C11orf87: variants seen among roughly 807,000 people sequenced by gnomAD.
C11orf87 encodes the protein chromosome 11 open reading frame 87.
A neutral mutation model predicts 9.2 loss-of-function variants in C11orf87; 3 were observed. That is an observed-to-expected ratio of 0.33 (90% CI 0.15 to 0.84). The LOEUF (loss-of-function observed/expected upper bound fraction) is 0.84. Ranked by LOEUF, C11orf87 falls within the 40% of genes least tolerant of loss-of-function variation. The pLI is 0.55. For missense variants in C11orf87, 256 were observed against 270.7 expected (o/e 0.95, Z 0.38); for synonymous variants, 124 against 124.6 (o/e 1.00, Z 0.03).
intron 1 of C11orf87, among the ~76,000 whole-genome samples, chr11:109,422,499 T>C (rs1348907806): frequency 6.6e-6 from 1 of 152,128 alleles, no homozygotes; most frequent in Non-Finnish European, 1.5e-5. Context: ...GCGCTGCGGG[T>C]CTACCGGCTC....
chr11:109,425,755 T>A lies in C11orf87; in HGVS notation c.*1528T>A, dbSNP rs1360914942. 6.6e-6 allele frequency: 1 copy of A among 152,454 alleles called. No homozygotes were observed. Among genetic ancestry groups the A allele is most frequent in the Non-Finnish European group, 1.5e-5 (1 of 68,030 alleles). The allele number at this position is 152,454 out of a possible 1,614,324, so 9.4% of individuals were successfully genotyped here. ...CAGTTACCACCTGGAGGCAGTGGTG[T>A]GTGTGCTTGCTTGTACTGTATGTGG... On this transcript the variant is annotated 3_prime_UTR_variant, in exon 2 of 2. Transcript: ENST00000327419.
Position 109,424,301 on chromosome 11 carries a change from CTTTTCCA to C in C11orf87, c.*81_*87del. The C allele has an allele frequency of 8.0e-7, 1 of 1,257,846 alleles. No homozygotes were observed. The highest frequency in any genetic ancestry group is 1.1e-6 in the Non-Finnish European group (1 of 891,540). 77.9% of individuals were successfully genotyped at this position (1,257,846 alleles called of 1,614,324 possible). A position where few individuals can be genotyped will look rare whatever the true frequency, so the allele number is the denominator to read the frequency against. The stretch of plus-strand genomic sequence containing the variant: ...CCCTTGCTTTTTTCCTTCTTCCTTC[CTTTTCCA>C]TTTTCCTCTGGCCCCTCTTTCCTCT... On this transcript the variant is annotated 3_prime_UTR_variant, in exon 2 of 2. Coordinates refer to ENST00000327419, the MANE Select transcript of C11orf87 (RefSeq NM_207645.4). This position sits in a 1 kb window ranked among gnomAD's most constrained non-coding sequence, Gnocchi z 4.7.
chr11:109,427,297 T>G lies in C11orf87; in HGVS notation c.*3070T>G, dbSNP rs1860586746. 1 of 152,212 alleles carries G rather than the reference T, an allele frequency of 6.6e-6. No individual in the cohort carries two copies. The highest frequency in any genetic ancestry group is 1.5e-5 in the Non-Finnish European group (1 of 68,028). 9.4% of individuals were successfully genotyped at this position (152,212 alleles called of 1,614,324 possible). On this transcript the variant is annotated 3_prime_UTR_variant, in exon 2 of 2. Transcript: ENST00000327419. ...CTCTGTGTAAAGATGATGCAGTTTGTGAGTCAGATTTCATACTGAGCTTAA... is the reference window on the plus strand; with the variant it reads ...CTCTGTGTAAAGATGATGCAGTTTGGGAGTCAGATTTCATACTGAGCTTAA...
In C11orf87 at chr11:109,424,073, C is replaced by T. The variant is rs754310178; in HGVS notation, c.440C>T (p.Ser147Leu). The change falls in exon 2 of 2, where the codon TCG becomes TTG. Residue 147 changes from serine (S) to leucine (L), a missense_variant. Coordinates refer to ENST00000327419, the MANE Select transcript of C11orf87 (RefSeq NM_207645.4). The surrounding 1 kb of genome is among the most constrained non-coding windows in gnomAD (Gnocchi z 4.7). ...DSPFCAPSNA[S>L]SLSSSSPGLP... ...CCCTTCTGCGCCCCTTCCAACGCCT[C>T]GTCGTTGTCCTCTTCGTCCCCTGGC... 3.7e-6 allele frequency: 6 copies of T among 1,613,856 alleles called. No individual in the cohort carries two copies. The highest frequency in any genetic ancestry group is 1.6e-4 in the Middle Eastern group (1 of 6,084).
Position 109,424,296 on chromosome 11 carries a change from C to T in C11orf87, c.*69C>T. Reference sequence around the variant, plus strand: ...TGCCACCCTTGCTTTTTTCCTTCTTCCTTCCTTTTCCATTTTCCTCTGGCC... The same window carrying T: ...TGCCACCCTTGCTTTTTTCCTTCTTTCTTCCTTTTCCATTTTCCTCTGGCC... On this transcript the variant is annotated 3_prime_UTR_variant, in exon 2 of 2. Coordinates refer to ENST00000327419, the MANE Select transcript of C11orf87 (RefSeq NM_207645.4). This position sits in a 1 kb window ranked among gnomAD's most constrained non-coding sequence, Gnocchi z 4.7. 7.8e-7 allele frequency: 1 copy of T among 1,277,084 alleles called. No individual in the cohort carries two copies. The highest frequency in any genetic ancestry group is 1.1e-6 in the Non-Finnish European group (1 of 907,546). 79.1% of individuals were successfully genotyped at this position (1,277,084 alleles called of 1,614,324 possible).
rs1362935154 is a variant in C11orf87, at chr11:109,425,278, C to T, written c.*1051C>T. The T allele has an allele frequency of 6.0e-6, 1 of 165,312 alleles. No individual in the cohort carries two copies. Among genetic ancestry groups the T allele is most frequent in the Non-Finnish European group, 1.5e-5 (1 of 67,976 alleles). 10.2% of individuals were successfully genotyped at this position (165,312 alleles called of 1,614,324 possible). A position where few individuals can be genotyped will look rare whatever the true frequency, so the allele number is the denominator to read the frequency against. Reference sequence around the variant, plus strand: ...TATTATTAAACATTGCATAAGTTACCTTTTTTGTAAAAAAAAAAAAGTATT... The same window carrying T: ...TATTATTAAACATTGCATAAGTTACTTTTTTTGTAAAAAAAAAAAAGTATT... On this transcript the variant is annotated 3_prime_UTR_variant, in exon 2 of 2. Transcript: ENST00000327419.
rs1202272199 is a variant in C11orf87 at position 109,426,105 on chromosome 11, C to A, written c.*1878C>A. 1 of 152,200 alleles carries A rather than the reference C, an allele frequency of 6.6e-6. No homozygotes were observed. Among genetic ancestry groups the A allele is most frequent in the African/African-American group, 2.4e-5 (1 of 41,450 alleles). The allele number at this position is 152,200 out of a possible 1,614,324, so 9.4% of individuals were successfully genotyped here. On this transcript the variant is annotated 3_prime_UTR_variant, in exon 2 of 2. Transcript: ENST00000327419. ...CACCTTGTTTCCTTTGGTTGAATGA[C>A]AGAAGAAGCCAGAAGCATATTACAA...
chr11:109,422,774 A>G (rs1467884742), intron 1 of C11orf87, among the ~76,000 whole-genome samples: 2 of 140,534 alleles, frequency 1.4e-5, no homozygotes, highest in East Asian at 2.1e-4. Flanking sequence ...CCAGGGAAGA[A>G]GGCTGGAGAA....
In C11orf87 at chr11:109,428,794, C is replaced by T. The variant is rs927282753; in HGVS notation, c.*4567C>T. On this transcript the variant is annotated 3_prime_UTR_variant, in exon 2 of 2. Transcript: ENST00000327419. Reference sequence around the variant, plus strand: ...CAGCTAATGTGGCTTGACATCAATACTTATTAATGTCTTCAACCTAATAAT... The same window carrying T: ...CAGCTAATGTGGCTTGACATCAATATTTATTAATGTCTTCAACCTAATAAT... The T allele has an allele frequency of 3.9e-5, 6 of 152,184 alleles. No homozygotes were observed. The highest frequency in any genetic ancestry group is 7.4e-5 in the Non-Finnish European group (5 of 68,016). The allele number at this position is 152,184 out of a possible 1,614,324, so 9.4% of individuals were successfully genotyped here. A position where few individuals can be genotyped will look rare whatever the true frequency, so the allele number is the denominator to read the frequency against.
At position 109,423,349 on chromosome 11, in the gene C11orf87, TCTAA is replaced by T. The variant is rs1432419118; in HGVS notation, c.-259-21_-259-18del. 7 of 506,084 alleles carry T rather than the reference TCTAA, an allele frequency of 1.4e-5. No individual in the cohort carries two copies. Among genetic ancestry groups the T allele is most frequent in the African/African-American group, 5.9e-5 (3 of 50,470 alleles). The allele number at this position is 506,084 out of a possible 1,614,324, so 31.3% of individuals were successfully genotyped here. On this transcript the variant is annotated intron_variant, in intron 1 of 1. Coordinates refer to ENST00000327419, the MANE Select transcript of C11orf87 (RefSeq NM_207645.4). This position sits in a 1 kb window ranked among gnomAD's most constrained non-coding sequence, Gnocchi z 5.3. ...CACTCCCCTGGGCAGCGGCCGAGAT[TCTAA>T]CTAAGCTTTGTGTCTTTGCAGCCTG...
chr11:109,422,685 T>G (rs1860507666), intron 1 of C11orf87, among the ~76,000 whole-genome samples: 1 of 149,782 alleles, frequency 6.7e-6, no homozygotes, highest in Admixed American at 6.7e-5. Flanking sequence ...GGGGGCCGTT[T>G]GTGGGAATGT....
Position 109,423,029 on chromosome 11 carries a change from G to A in C11orf87, c.-259-346G>A, listed in dbSNP as rs1398426774. ...ATCAACCGAGAGGGCGCAGAAAAGA[G>A]GAGAGCCGGCGCTCTGGGAAGTAGG... On this transcript the variant is annotated intron_variant, in intron 1 of 1. Transcript: ENST00000327419. The surrounding 1 kb of genome is among the most constrained non-coding windows in gnomAD (Gnocchi z 5.3). Among the ~76,000 whole-genome samples, 1 of 152,136 alleles carries A rather than the reference G, an allele frequency of 6.6e-6. No homozygotes were observed. Among genetic ancestry groups the A allele is most frequent in the Admixed American group, 6.5e-5 (1 of 15,288 alleles).
chr11:109,423,852 C>T lies in C11orf87; in HGVS notation c.219C>T (p.Cys73=), dbSNP rs1860530886. 6.2e-7 allele frequency: 1 copy of T among 1,614,038 alleles called. No individual in the cohort carries two copies. Among genetic ancestry groups the T allele is most frequent in the Admixed American group, 1.7e-5 (1 of 60,012 alleles). Residue 73 remains cysteine (C), a synonymous_variant, in exon 2 of 2, where the codon TGC becomes TGT. Transcript: ENST00000327419. This position sits in a 1 kb window ranked among gnomAD's most constrained non-coding sequence, Gnocchi z 5.3. Reference sequence around the variant, plus strand: ...TTGTCCTGGTTACCCTCATCTTCTGCCTCATCGTGCTGTCCCTCTCCACTT... The same window carrying T: ...TTGTCCTGGTTACCCTCATCTTCTGTCTCATCGTGCTGTCCCTCTCCACTT... ...VLIVLVTLIF[C]LIVLSLSTFH...
In C11orf87 at chr11:109,424,297, C is replaced by T; in HGVS notation, c.*70C>T. The stretch of plus-strand genomic sequence containing the variant: ...GCCACCCTTGCTTTTTTCCTTCTTC[C>T]TTCCTTTTCCATTTTCCTCTGGCCC... On this transcript the variant is annotated 3_prime_UTR_variant, in exon 2 of 2. Transcript: ENST00000327419. The surrounding 1 kb of genome is among the most constrained non-coding windows in gnomAD (Gnocchi z 4.7). The T allele has an allele frequency of 7.8e-7, 1 of 1,280,308 alleles. No homozygotes were observed. Among genetic ancestry groups the T allele is most frequent in the Non-Finnish European group, 1.1e-6 (1 of 910,500 alleles). 79.3% of individuals were successfully genotyped at this position (1,280,308 alleles called of 1,614,324 possible).
At position 109,425,832 on chromosome 11, in the gene C11orf87, G is replaced by A. The variant is rs1485626961; in HGVS notation, c.*1605G>A. On this transcript the variant is annotated 3_prime_UTR_variant, in exon 2 of 2. Transcript: ENST00000327419. ...GGGCAATTTGGATGATAAGACATGC[G>A]AATTTCAAGAAAAGCTAGATCCAGT... is the stretch of plus-strand genomic sequence containing the variant. 3 of 152,274 alleles carry A rather than the reference G, an allele frequency of 2.0e-5. No homozygotes were observed. Among genetic ancestry groups the A allele is most frequent in the Admixed American group, 6.5e-5 (1 of 15,280 alleles). 9.4% of individuals were successfully genotyped at this position (152,274 alleles called of 1,614,324 possible). A position where few individuals can be genotyped will look rare whatever the true frequency, so the allele number is the denominator to read the frequency against.
rs778892379 is a variant in C11orf87, at chr11:109,423,696, C to T, written c.63C>T (p.Thr21=). Residue 21 remains threonine, a synonymous_variant, in exon 2 of 2, where the codon ACC becomes ACT. Coordinates refer to ENST00000327419, the MANE Select transcript of C11orf87 (RefSeq NM_207645.4). This position sits in a 1 kb window ranked among gnomAD's most constrained non-coding sequence, Gnocchi z 5.3. ...TGCCGCCGTGTCTCCTCAACCGGACCTTTGCTTCCCCCAACGCCAGCGGCA... is the reference window on the plus strand; with the variant it reads ...TGCCGCCGTGTCTCCTCAACCGGACTTTTGCTTCCCCCAACGCCAGCGGCA... The part of the protein sequence containing the change: ...LALPPCLLNR[T]FASPNASGSG... The T allele has an allele frequency of 1.1e-5, 17 of 1,612,304 alleles. No homozygotes were observed. Among genetic ancestry groups the T allele is most frequent in the Admixed American group, 1.7e-5 (1 of 59,982 alleles).
rs79923099 is a variant in C11orf87, at chr11:109,423,243, G to A, written c.-259-132G>A. 60 of 256,190 alleles carry A rather than the reference G, an allele frequency of 2.3e-4. No individual in the cohort carries two copies. The highest frequency in any genetic ancestry group is 1.3e-3 in the African/African-American group (57 of 43,560). 15.9% of individuals were successfully genotyped at this position (256,190 alleles called of 1,614,324 possible). A position where few individuals can be genotyped will look rare whatever the true frequency, so the allele number is the denominator to read the frequency against. ...ACGGGCCGGCAGGCTGGGGTCCGCT[G>A]ACCGAAAATACAGGCAGCGCCCAGC... On this transcript the variant is annotated intron_variant, in intron 1 of 1. Coordinates refer to ENST00000327419, the MANE Select transcript of C11orf87 (RefSeq NM_207645.4). The surrounding 1 kb of genome is among the most constrained non-coding windows in gnomAD (Gnocchi z 5.3).
Position 109,425,967 on chromosome 11 carries a change from A to G in C11orf87, c.*1740A>G, listed in dbSNP as rs191545707. The G allele has an allele frequency of 1.3e-5, 2 of 152,368 alleles. No individual in the cohort carries two copies. The highest frequency in any genetic ancestry group is 3.9e-4 in the East Asian group (2 of 5,186). The allele number at this position is 152,368 out of a possible 1,614,324, so 9.4% of individuals were successfully genotyped here. On this transcript the variant is annotated 3_prime_UTR_variant, in exon 2 of 2. Coordinates refer to ENST00000327419, the MANE Select transcript of C11orf87 (RefSeq NM_207645.4). ...AGTCTGTCCTAACTTCACTGAACAT[A>G]CAAAAATACTGAGAAAAAAAGAAAG...
At position 109,423,949 on chromosome 11, in the gene C11orf87, T is replaced by C. The variant is rs771669378; in HGVS notation, c.316T>C (p.Cys106Arg). ...RAQEEYERDH[C>R]SGSRGGGGLP... is the part of the protein sequence containing the mutation. ...TCAGGAGGAATATGAGCGGGATCAC[T>C]GCAGCGGCAGCCGCGGTGGCGGGGG... Residue 106 changes from cysteine (C) to arginine (R), a missense_variant, in exon 2 of 2, where the codon TGC becomes CGC. Cys to Arg is a radical substitution (Grantham distance 180). Coordinates refer to ENST00000327419, the MANE Select transcript of C11orf87 (RefSeq NM_207645.4). This position sits in a 1 kb window ranked among gnomAD's most constrained non-coding sequence, Gnocchi z 5.3. The C allele has an allele frequency of 6.2e-6, 10 of 1,613,928 alleles. No individual in the cohort carries two copies. In the Admixed American group the frequency reaches 1.3e-4, roughly 22 times the overall value.
Sources: gnomAD v4.1 joint callset for allele counts (sites outside exome capture counted in the v4.1 genomes callset) on GRCh38, gnomAD v4.1.1 for gene constraint, Gnocchi (gnomAD v3.1) non-coding constraint, MANE v1.5 for transcripts, NCBI Gene and HGNC (gene_info 2026-07-23, HGNC 2026-07-21) for gene names.